Variants in CLSTN1 observed in about 807,000 individuals in gnomAD.
CLSTN1 encodes calsyntenin 1, also known as calsyntenin-1.
A neutral mutation model predicts 108.3 loss-of-function variants in CLSTN1; 28 were observed. That is an observed-to-expected ratio of 0.26 (90% CI 0.19 to 0.35). The LOEUF (loss-of-function observed/expected upper bound fraction) is 0.35, where lower values mean the gene tolerates loss of function less well. CLSTN1 is among the 10% of genes least tolerant of loss of function. CLSTN1 has a pLI of 1.00. For synonymous variants in CLSTN1, 524 were observed against 534.9 expected, an observed-to-expected ratio of 0.98 and a Z score of 0.28; for missense variants, 1,157 against 1,302.6, an observed-to-expected ratio of 0.89 and a Z score of 1.72.
At chr1:9,772,111 G>A (rs969885596) in intron 2 of CLSTN1, among the ~76,000 whole-genome samples, 17 of 138,622 alleles carry the variant, frequency 1.2e-4, no homozygotes, top group African/African-American at 3.3e-4. Context: ...GGAGTACCTA[G>A]GACTACAGGC....
chr1:9,804,947 C>G (rs930809689), intron 1 of CLSTN1, among the ~76,000 whole-genome samples: 2 of 151,956 alleles, frequency 1.3e-5, no homozygotes, highest in African/African-American at 4.8e-5. Flanking sequence ...CACAGTGAAA[C>G]CCCGTCTCTA....
In CLSTN1 at chr1:9,730,727, C is replaced by T; in HGVS notation, c.2749-22G>A. Reference sequence around the variant, plus strand: ...AGGTCTGGCAAGGAGAAGTGACGGCCACATGAGTCCGGCCCTGCCCACAGC... The same window carrying T: ...AGGTCTGGCAAGGAGAAGTGACGGCTACATGAGTCCGGCCCTGCCCACAGC... On this transcript the variant is annotated intron_variant, in intron 18 of 18. Transcript: ENST00000377298. This position sits in a 1 kb window ranked among gnomAD's most constrained non-coding sequence, Gnocchi z 5.6. The T allele has an allele frequency of 1.9e-6, 3 of 1,572,716 alleles. No homozygotes were observed. Among genetic ancestry groups the T allele is most frequent in the Non-Finnish European group, 2.6e-6 (3 of 1,162,356 alleles).
chr1:9,779,332 G>A (rs144408008), intron 1 of CLSTN1, among the ~76,000 whole-genome samples: 3 of 152,264 alleles, frequency 2.0e-5, no homozygotes, highest in African/African-American at 7.2e-5. Flanking sequence ...CAGCACCTTG[G>A]GAGGTCAAGG....
chr1:9,755,725 A>T (rs532938928), intron 3 of CLSTN1, among the ~76,000 whole-genome samples: 17 of 152,304 alleles, frequency 1.1e-4, no homozygotes, highest in African/African-American at 3.8e-4. Flanking sequence ...GAGAGAAGCT[A>T]AAACGCAGTT....
In CLSTN1 at chr1:9,741,135, G is replaced by A. The variant is rs779114616; in HGVS notation, c.1478C>T (p.Ser493Phe). The change falls in exon 10 of 19, where the codon TCC becomes TTC. Residue 493 changes from serine (S) to phenylalanine (F), a missense_variant. By Grantham distance (155) the Ser-to-Phe change is radical. Transcript: ENST00000377298. ...CACCACGAGCTGAGTTTCTATCTTGGATGGATGGAGCGGGTAATCCTCAGT... is the reference window on the plus strand; with the variant it reads ...CACCACGAGCTGAGTTTCTATCTTGAATGGATGGAGCGGGTAATCCTCAGT... ...SVTEDYPLHP[S>F]KIETQLVVGA... is the part of the protein sequence containing the mutation. The A allele has an allele frequency of 6.2e-7, 1 of 1,613,994 alleles. No homozygotes were observed. The highest frequency in any genetic ancestry group is 1.3e-5 in the African/African-American group (1 of 74,890).
Position 9,734,249 on chromosome 1 carries a change from T to G in CLSTN1, c.2111-107A>C, listed in dbSNP as rs1650564644. The G allele has an allele frequency of 8.9e-7, 1 of 1,117,524 alleles. No individual in the cohort carries two copies. The highest frequency in any genetic ancestry group is 2.1e-5 in the Admixed American group (1 of 47,190). The allele number at this position is 1,117,524 out of a possible 1,614,324, so 69.2% of individuals were successfully genotyped here. ...TCACCCCAAACCTACATGGCTCTCG[T>G]AAGGACCAACGACAGAAGCAAGCGA... On this transcript the variant is annotated intron_variant, in intron 14 of 18. Transcript: ENST00000377298. This position sits in a 1 kb window ranked among gnomAD's most constrained non-coding sequence, Gnocchi z 4.8.
intron 1 of CLSTN1, among the ~76,000 whole-genome samples, chr1:9,803,310 A>C (rs75197312): frequency 1.8e-3 from 273 of 152,288 alleles, no homozygotes; most frequent in Non-Finnish European, 3.3e-3. Context: ...ATCATTGGTA[A>C]TCAAGGATAA....
chr1:9,735,198 G>A (rs1333539372), intron 13 of CLSTN1, 24 bp from the exon 14 acceptor site: 3 of 1,611,384 alleles, frequency 1.9e-6, no homozygotes, highest in Non-Finnish European at 2.5e-6. Context: ...ATGGGGAAGG[G>A]TCAGGGCTTT....
At chr1:9,774,870 G>A (rs375624661) in intron 1 of CLSTN1, among the ~76,000 whole-genome samples, 19 of 152,254 alleles carry the variant, frequency 1.2e-4, no homozygotes, top group African/African-American at 3.6e-4. Flanking sequence ...CACGCTAAAC[G>A]AAGGGTGGAT....
intron 10 of CLSTN1, among the ~76,000 whole-genome samples, chr1:9,739,238 A>G (rs1650848871): frequency 6.6e-6 from 1 of 152,194 alleles, no homozygotes; most frequent in African/African-American, 2.4e-5. Context: ...CTTTGTCACC[A>G]ATAGAATGCA....
At chr1:9,800,557 GAAAAAAAAAA>G (rs55929301) in intron 1 of CLSTN1, among the ~76,000 whole-genome samples, 9 of 77,322 alleles carry the variant, frequency 1.2e-4, no homozygotes, top group South Asian at 4.5e-4. Flanking sequence ...GTCTCCACTA[GAAAAAAAAAA>G]AAAAAAAAAA....
At chr1:9,732,752 C>G (rs1650474594) in intron 16 of CLSTN1, among the ~76,000 whole-genome samples, 1 of 152,232 alleles carries the variant, frequency 6.6e-6, no homozygotes, top group South Asian at 2.1e-4. Context: ...CCAGCGCCAG[C>G]CTCAGCAGCA....
At chr1:9,767,733 G>A (rs1208471273) in intron 2 of CLSTN1, among the ~76,000 whole-genome samples, 2 of 152,064 alleles carry the variant, frequency 1.3e-5, no homozygotes, top group African/African-American at 2.4e-5. Flanking sequence ...ATGAAAATAA[G>A]GCTCCAGGTC....
intron 1 of CLSTN1, among the ~76,000 whole-genome samples, chr1:9,820,168 C>CT (rs1396059988): frequency 1.3e-5 from 2 of 152,104 alleles, no homozygotes; most frequent in African/African-American, 2.4e-5. Context: ...GCCACCGAGG[C>CT]TGGCCCCATG....
chr1:9,775,460 T>C (rs976342503), intron 1 of CLSTN1, among the ~76,000 whole-genome samples: 2 of 151,824 alleles, frequency 1.3e-5, no homozygotes, highest in Admixed American at 6.6e-5. Flanking sequence ...CCTGAGAAGA[T>C]GATCATTTAG....
chr1:9,789,281 G>A (rs1653652480), intron 1 of CLSTN1, among the ~76,000 whole-genome samples: 1 of 151,406 alleles, frequency 6.6e-6, no homozygotes, highest in African/African-American at 2.4e-5. Flanking sequence ...CATAGTGACT[G>A]CACCATTTTC....
In CLSTN1 at chr1:9,734,933, C is replaced by T; in HGVS notation, c.2110+15G>A. ...GGCCGAGGCGAGGGAGCCCGCGCCC[C>T]ACAGAGCACATTACCTGTGGGGTCC... On this transcript the variant is annotated intron_variant, in intron 14 of 18. Transcript: ENST00000377298. The surrounding 1 kb of genome is among the most constrained non-coding windows in gnomAD (Gnocchi z 4.8). The T allele has an allele frequency of 6.2e-7, 1 of 1,611,216 alleles. No individual in the cohort carries two copies. The highest frequency in any genetic ancestry group is 1.1e-5 in the South Asian group (1 of 91,034).
Position 9,773,289 on chromosome 1 carries a change from G to C in CLSTN1, c.197C>G (p.Ala66Gly). ...GTTCCTACCTGCAAATCGCAGAGGC[G>C]CATCTTTATCCAGCGCGATCAGTGG... ...DPPLIALDKD[A>G]PLRFAESFEV... Residue 66 changes from alanine to glycine, a missense_variant, in exon 2 of 19, where the codon GCG becomes GGG. By Grantham distance (60) the Ala-to-Gly change is moderately conservative. Transcript: ENST00000377298. The C allele has an allele frequency of 6.2e-7, 1 of 1,613,980 alleles. No homozygotes were observed. The highest frequency in any genetic ancestry group is 8.5e-7 in the Non-Finnish European group (1 of 1,179,910).
intron 1 of CLSTN1, among the ~76,000 whole-genome samples, chr1:9,783,592 G>A (rs1362090553): frequency 2.0e-5 from 3 of 150,572 alleles, no homozygotes; most frequent in Non-Finnish European, 1.5e-5. Flanking sequence ...ACAGTGTCTC[G>A]CGCCTGTAAT....
Sources: gnomAD v4.1 joint callset for allele counts (sites outside exome capture counted in the v4.1 genomes callset) on GRCh38, gnomAD v4.1.1 for gene constraint, Gnocchi (gnomAD v3.1) non-coding constraint, MANE v1.5 for transcripts, NCBI Gene and HGNC (gene_info 2026-07-23, HGNC 2026-07-21) for gene names.